Variants in SH3BGRL observed in about 807,000 individuals in gnomAD.
SH3BGRL encodes the protein SH3 domain binding glutamate rich protein like, also known as adapter SH3BGRL.
A neutral mutation model predicts 9.8 loss-of-function variants in SH3BGRL; 7 were observed. That is an observed-to-expected ratio of 0.72 (90% confidence interval 0.41 to 1.35). SH3BGRL has a LOEUF of 1.35. SH3BGRL is among the 40% of genes most tolerant of loss of function. The pLI is 0.01. For missense variants in SH3BGRL, 73 were observed against 84.4 expected, an observed-to-expected ratio of 0.86 and a Z score of 0.53; for synonymous variants, 36 against 29.1, an observed-to-expected ratio of 1.24 and a Z score of -0.76.
intron 1 of SH3BGRL, among the ~76,000 whole-genome samples, chrX:81,242,177 A>G (rs1004234094): frequency 8.9e-6 from 1 of 112,512 alleles, no homozygotes; most frequent in Non-Finnish European, 1.9e-5. Flanking sequence ...CTACAGAGCT[A>G]TAATAACCAA....
chrX:81,212,930 A>G (rs2075569934), intron 1 of SH3BGRL, among the ~76,000 whole-genome samples: 1 of 112,789 alleles, frequency 8.9e-6, no homozygotes, highest in African/African-American at 3.2e-5. Flanking sequence ...TTACTTTTTG[A>G]AAATTATTCA....
chrX:81,268,313 C>T (rs772693115), intron 1 of SH3BGRL, among the ~76,000 whole-genome samples: 6 of 111,015 alleles, frequency 5.4e-5, no homozygotes, highest in Non-Finnish European at 9.4e-5. Flanking sequence ...TGTGATTTTA[C>T]GGTTTCGATT....
intron 1 of SH3BGRL, among the ~76,000 whole-genome samples, chrX:81,237,470 GTTCTGT>G (rs1228117100): frequency 1.8e-5 from 2 of 111,669 alleles, no homozygotes; most frequent in African/African-American, 6.5e-5. Context: ...ATTCAACTCA[GTTCTGT>G]CCTGTTAGAG....
chrX:81,262,521 C>T (rs1298887239), intron 1 of SH3BGRL, among the ~76,000 whole-genome samples: 1 of 111,617 alleles, frequency 9.0e-6, no homozygotes, highest in East Asian at 2.8e-4. Context: ...GTCTGAGAAA[C>T]TCTTACAGCC....
intron 1 of SH3BGRL, among the ~76,000 whole-genome samples, chrX:81,226,554 T>G (rs1786338971): frequency 9.6e-6 from 1 of 104,425 alleles, no homozygotes; most frequent in Non-Finnish European, 2.0e-5. Flanking sequence ...ATATATATAA[T>G]TTTTGTTATA....
chrX:81,277,257 T>C lies in SH3BGRL; in HGVS notation c.231+88T>C, dbSNP rs1176608364. ...TCACCTCTGCCTCCAAGCCTGCATATATATAGTCATATCTCTTGCATATAG... is the reference window on the plus strand; with the variant it reads ...TCACCTCTGCCTCCAAGCCTGCATACATATAGTCATATCTCTTGCATATAG... On this transcript the variant is annotated intron_variant, in intron 2 of 3. Coordinates refer to ENST00000373212, the MANE Select transcript of SH3BGRL (RefSeq NM_003022.3). The C allele has an allele frequency of 1.1e-5, 8 of 732,688 alleles. No individual in the cohort carries two copies. The African/African-American group carries it at 1.7e-4, about 16-fold the overall frequency. The allele number at this position is 732,688 out of a possible 1,213,427, so 60.4% of individuals were successfully genotyped here.
At chrX:81,285,381 T>A (rs952599609) in intron 3 of SH3BGRL, among the ~76,000 whole-genome samples, 1 of 111,750 alleles carries the variant, frequency 8.9e-6, no homozygotes, top group African/African-American at 3.2e-5. Flanking sequence ...ACGTTACTGA[T>A]GTTGGCATAA....
intron 1 of SH3BGRL, among the ~76,000 whole-genome samples, chrX:81,238,643 C>T (rs1027658369): frequency 9.0e-6 from 1 of 111,302 alleles, no homozygotes; most frequent in African/African-American, 3.3e-5. Context: ...GGGTTTTGAG[C>T]GAACAGGCAG....
chrX:81,248,894 A>C (rs1040623102), intron 1 of SH3BGRL, among the ~76,000 whole-genome samples: 3 of 111,368 alleles, frequency 2.7e-5, no homozygotes, highest in African/African-American at 9.8e-5. Flanking sequence ...TGCCTCTCTC[A>C]TGTACTTTAA....
chrX:81,256,912 C>T (rs1333354655), intron 1 of SH3BGRL, among the ~76,000 whole-genome samples: 1 of 111,505 alleles, frequency 9.0e-6, no homozygotes, highest in Non-Finnish European at 1.9e-5. Context: ...ATGGTTGATG[C>T]ATTATTCTGT....
chrX:81,244,099 A>C (rs2075680594), intron 1 of SH3BGRL, among the ~76,000 whole-genome samples: 1 of 111,678 alleles, frequency 9.0e-6, no homozygotes, highest in Admixed American at 9.5e-5. Flanking sequence ...TTTTTCTACC[A>C]AAGTTGGCTT....
chrX:81,295,506 C>A (rs2075871592), intron 3 of SH3BGRL, among the ~76,000 whole-genome samples: 1 of 111,230 alleles, frequency 9.0e-6, no homozygotes, highest in South Asian at 3.9e-4. Flanking sequence ...ACTGTAAGTC[C>A]AATTAAACCT....
intron 1 of SH3BGRL, among the ~76,000 whole-genome samples, chrX:81,208,072 C>G (rs1294691119): frequency 1.8e-5 from 2 of 110,867 alleles, no homozygotes; most frequent in African/African-American, 6.6e-5. Flanking sequence ...CTGGCTAACA[C>G]GGTGAGACCC....
intron 1 of SH3BGRL, among the ~76,000 whole-genome samples, chrX:81,226,825 T>C (rs1329096503): frequency 9.1e-6 from 1 of 109,644 alleles, no homozygotes; most frequent in Non-Finnish European, 1.9e-5. Context: ...GAAAATAGAA[T>C]CTCTCCTAGA....
At chrX:81,211,504 G>A (rs990009653) in intron 1 of SH3BGRL, among the ~76,000 whole-genome samples, 3 of 110,437 alleles carry the variant, frequency 2.7e-5, no homozygotes, top group Admixed American at 9.6e-5. Flanking sequence ...GGAGAATGGT[G>A]TGAACCCGGG....
chrX:81,270,974 C>T (rs922477045), intron 1 of SH3BGRL, among the ~76,000 whole-genome samples: 2 of 112,008 alleles, frequency 1.8e-5, no homozygotes, highest in African/African-American at 6.5e-5. Context: ...CCCCCCCAAC[C>T]AAGCTCCCGT....
chrX:81,234,094 A>G (rs2075640571), intron 1 of SH3BGRL, among the ~76,000 whole-genome samples: 1 of 111,500 alleles, frequency 9.0e-6, no homozygotes, highest in African/African-American at 3.3e-5. Flanking sequence ...GGCTCTTTAC[A>G]TAGTCTAGAA....
At chrX:81,279,592 G>A (rs747172995) in intron 3 of SH3BGRL, among the ~76,000 whole-genome samples, 38 of 111,084 alleles carry the variant, frequency 3.4e-4, no homozygotes, top group Non-Finnish European at 6.6e-4. Context: ...GTCTGTTTGC[G>A]GGAGAAGTTT....
chrX:81,279,208 A>G (rs1243354527), intron 3 of SH3BGRL, among the ~76,000 whole-genome samples: 1 of 112,232 alleles, frequency 8.9e-6, no homozygotes, highest in Non-Finnish European at 1.9e-5. Context: ...TACTGTGTTC[A>G]TGTCATTGTA....
Sources: allele counts gnomAD v4.1 joint callset (sites outside exome capture counted in the v4.1 genomes callset), GRCh38; gene constraint gnomAD v4.1.1; transcripts MANE v1.5; gene names NCBI Gene and HGNC (gene_info 2026-07-23, HGNC 2026-07-21).